The following XPO7 variants were observed in gnomAD, a reference collection of about 807,000 sequenced individuals.
XPO7 encodes exportin 7, also known as exportin-7.
A neutral mutation model predicts 144.3 loss-of-function variants in XPO7; 21 were observed. The observed-to-expected ratio is 0.15, with a 90% confidence interval of 0.10 to 0.21. XPO7 has a LOEUF of 0.21. XPO7 is among the 10% of genes least tolerant of loss of function. The probability of loss-of-function intolerance (pLI) is 1.00; values close to 1 mark genes in which losing one functional copy is unlikely to be tolerated. For synonymous variants in XPO7, 580 were observed against 499.6 expected, an observed-to-expected ratio of 1.16 and a Z score of -2.15; for missense variants, 808 against 1,325.8, an observed-to-expected ratio of 0.61 and a Z score of 6.06.
intron 9 of XPO7, among the ~76,000 whole-genome samples, chr8:21,981,122 C>A (rs768588280): frequency 1.3e-5 from 2 of 152,100 alleles, no homozygotes; most frequent in Non-Finnish European, 2.9e-5. Flanking sequence ...AAAGTCTTAG[C>A]CCACATATGC....
intron 1 of XPO7, among the ~76,000 whole-genome samples, chr8:21,924,626 T>C (rs538087418): frequency 6.6e-6 from 1 of 152,248 alleles, no homozygotes; most frequent in South Asian, 2.1e-4. Context: ...ATGTTACTGC[T>C]CTCTGGTGGG....
chr8:21,943,603 T>C (rs1452985622), intron 1 of XPO7, among the ~76,000 whole-genome samples: 2 of 152,238 alleles, frequency 1.3e-5, no homozygotes, highest in African/African-American at 4.8e-5. Context: ...CCTTATTTCC[T>C]TCCCTTGAGA....
At chr8:21,922,079 T>G (rs771113322) in intron 1 of XPO7, among the ~76,000 whole-genome samples, 2 of 152,152 alleles carry the variant, frequency 1.3e-5, no homozygotes, top group Non-Finnish European at 2.9e-5. Context: ...AACGTGAAGT[T>G]TATAAAGGTG....
intron 16 of XPO7, among the ~76,000 whole-genome samples, chr8:21,990,117 G>A (rs766934866): frequency 6.6e-5 from 10 of 151,904 alleles, no homozygotes; most frequent in Non-Finnish European, 1.5e-4. Context: ...TCAAAGTGCT[G>A]GGATTACAGG....
chr8:21,992,305 C>T (rs1000763697), intron 19 of XPO7, among the ~76,000 whole-genome samples: 4 of 151,932 alleles, frequency 2.6e-5, no homozygotes, highest in African/African-American at 9.7e-5. Flanking sequence ...TCATTAGTGA[C>T]AAGTTAGGTT....
At chr8:21,958,526 G>A (rs1469139451) in intron 1 of XPO7, among the ~76,000 whole-genome samples, 3 of 151,246 alleles carry the variant, frequency 2.0e-5, no homozygotes, top group Admixed American at 6.6e-5. Context: ...TTAGGAACTC[G>A]ACATAGCACT....
rs146479578 is a variant in XPO7, at chr8:21,995,368, A to C, written c.2238-124A>C. ...GGTTAGAAAGACTCCAAGATTAGCAAGCAAGAGACAGGAACTTAAAGAACT... is the reference window on the plus strand; with the variant it reads ...GGTTAGAAAGACTCCAAGATTAGCACGCAAGAGACAGGAACTTAAAGAACT... On this transcript the variant is annotated intron_variant, in intron 20 of 27. Coordinates refer to ENST00000252512, the MANE Select transcript of XPO7 (RefSeq NM_015024.5). 519 of 732,338 alleles carry C rather than the reference A, an allele frequency of 7.1e-4. 5 individuals are homozygous for C. In the African/African-American group the frequency reaches 8.6e-3, roughly 12 times the overall value. 45.4% of individuals were successfully genotyped at this position (732,338 alleles called of 1,614,324 possible).
intron 2 of XPO7, 94 bp downstream of exon 2, chr8:21,967,097 C>T: frequency 6.8e-7 from 1 of 1,464,572 alleles, no homozygotes; most frequent in Non-Finnish European, 9.0e-7. Context: ...GGCTTCTGTT[C>T]CCTGATTTTT....
At chr8:21,967,054 A>T (rs368428643) in intron 2 of XPO7, 51 bp downstream of exon 2, 360 of 1,582,596 alleles carry the variant, frequency 2.3e-4, no homozygotes, top group Middle Eastern at 3.6e-4. Context: ...CGGAAACGTT[A>T]TTCTGGTTCT....
At chr8:21,945,471 A>T (rs1563315982) in intron 1 of XPO7, among the ~76,000 whole-genome samples, 2 of 152,248 alleles carry the variant, frequency 1.3e-5, no homozygotes, top group Admixed American at 1.3e-4. Context: ...GCAGGTAGGT[A>T]TGGAAAAACT....
At position 21,938,779 on chromosome 8, in the gene XPO7, A is replaced by T. The variant is rs1173219764; in HGVS notation, c.18+18991A>T. Among the ~76,000 whole-genome samples, 4 of 147,502 alleles carry T rather than the reference A, an allele frequency of 2.7e-5. No individual in the cohort carries two copies. The East Asian group carries it at 7.8e-4, about 29-fold the overall frequency. ...GTCATAAGAATGAAAATACATCATT[A>T]AAAAAAAAATGTCATAGAGAACTCA... On this transcript the variant is annotated intron_variant, in intron 1 of 27. Coordinates refer to ENST00000252512, the MANE Select transcript of XPO7 (RefSeq NM_015024.5).
chr8:22,004,294 T>A (rs1286501984), intron 27 of XPO7, among the ~76,000 whole-genome samples: 1 of 152,204 alleles, frequency 6.6e-6, no homozygotes, highest in African/African-American at 2.4e-5. Flanking sequence ...TGTACTACAT[T>A]TCCAAAATCC....
intron 1 of XPO7, among the ~76,000 whole-genome samples, chr8:21,956,873 T>A (rs753712088): frequency 6.6e-6 from 1 of 152,200 alleles, no homozygotes; most frequent in Admixed American, 6.5e-5. Flanking sequence ...GCTTTTTGCA[T>A]GCTTGTTTAG....
At chr8:21,989,902 T>C (rs983334238) in intron 16 of XPO7, among the ~76,000 whole-genome samples, 3 of 132,762 alleles carry the variant, frequency 2.3e-5, no homozygotes, top group African/African-American at 8.6e-5. Flanking sequence ...CAGGCTGGAG[T>C]GCAGTTGCGC....
intron 1 of XPO7, among the ~76,000 whole-genome samples, chr8:21,951,205 C>T (rs80075910): frequency 0.032 from 4,846 of 151,802 alleles, 252 homozygotes; most frequent in African/African-American, 0.11. Context: ...GGACATTATC[C>T]AGAGAGAATC....
chr8:21,982,828 C>CTCAT lies in XPO7; in HGVS notation c.1277+23_1277+26dup, dbSNP rs1812449335. 1.3e-6 allele frequency: 2 copies of CTCAT among 1,583,684 alleles called. No homozygotes were observed. Among genetic ancestry groups the CTCAT allele is most frequent in the Admixed American group, 3.7e-5 (2 of 53,356 alleles). The stretch of plus-strand genomic sequence containing the variant: ...TCATACTGAGGTAAGGAAACTTAGC[C>CTCAT]TCATTCATTCCCGCACCAGTGGCCT... On this transcript the variant is annotated intron_variant, in intron 11 of 27. Coordinates refer to ENST00000252512, the MANE Select transcript of XPO7 (RefSeq NM_015024.5).
chr8:21,977,967 T>A, intron 8 of XPO7, 124 bp downstream of exon 8: 1 of 774,056 alleles, frequency 1.3e-6, no homozygotes, highest in Non-Finnish European at 2.0e-6. Flanking sequence ...CTAGGCTAGT[T>A]ATCTAGTCTT....
chr8:21,994,080 G>A (rs1295379138), intron 19 of XPO7, among the ~76,000 whole-genome samples: 4 of 150,996 alleles, frequency 2.6e-5, no homozygotes, highest in African/African-American at 4.9e-5. Context: ...TTTTTGCTAC[G>A]AACCAGGAAC....
intron 1 of XPO7, chr8:21,966,097 C>T (rs1811873851): frequency 1.7e-6 from 1 of 582,618 alleles, no homozygotes; most frequent in Non-Finnish European, 3.0e-6. Context: ...GACCAAAGCA[C>T]ACACCCATAC....
Sources: gnomAD v4.1 joint callset for allele counts (sites outside exome capture counted in the v4.1 genomes callset) on GRCh38, gnomAD v4.1.1 for gene constraint, MANE v1.5 for transcripts, NCBI Gene and HGNC (gene_info 2026-07-23, HGNC 2026-07-21) for gene names.